Variants in GRM1 observed in about 807,000 individuals in gnomAD.
GRM1 encodes the protein metabotropic glutamate receptor 1.
Under a neutral mutation model 90.9 loss-of-function variants are expected in GRM1, and 33 were observed. That is an observed-to-expected ratio of 0.36 (90% confidence interval 0.28 to 0.49). GRM1 has a LOEUF of 0.49. GRM1 is among the 20% of genes least tolerant of loss of function. The pLI is 0.99. For synonymous variants in GRM1, 700 were observed against 613.2 expected (o/e 1.14, Z -2.09); for missense variants, 1,190 against 1,534.3 (o/e 0.78, Z 3.75).
chr6:146,029,422 G>A lies in GRM1; in HGVS notation c.-96G>A. On this transcript the variant is annotated 5_prime_UTR_variant, in exon 1 of 8. Coordinates refer to ENST00000282753, the MANE Select transcript of GRM1 (RefSeq NM_001278064.2). ...TGGCGAGGGGCACCACTCCGGGAGA[G>A]GCGGCGCTGGGCGTCTTGGGGGTGC... is the stretch of plus-strand genomic sequence containing the variant. The A allele has an allele frequency of 1.0e-6, 1 of 953,410 alleles. No homozygotes were observed. 59.1% of individuals were successfully genotyped at this position (953,410 alleles called of 1,614,324 possible).
chr6:146,319,438 C>T (rs1784091577), intron 3 of GRM1, among the ~76,000 whole-genome samples: 1 of 152,080 alleles, frequency 6.6e-6, no homozygotes, highest in South Asian at 2.1e-4. Flanking sequence ...TTAGGATTGT[C>T]TTGGCTATAT....
At chr6:146,285,787 C>T (rs1046180381) in intron 2 of GRM1, among the ~76,000 whole-genome samples, 2 of 152,116 alleles carry the variant, frequency 1.3e-5, no homozygotes, top group Non-Finnish European at 2.9e-5. Context: ...TTAGGTTTCT[C>T]CTGCTGTTTA....
rs529682345 is a variant in GRM1, at chr6:146,071,878, AT to A, written c.700+41662del. Among the ~76,000 whole-genome samples the A allele has an allele frequency of 8.3e-3, 1,262 of 152,274 alleles. 11 individuals are homozygous for A. The highest frequency in any genetic ancestry group is 0.013 in the Non-Finnish European group (883 of 68,012). On this transcript the variant is annotated intron_variant, in intron 1 of 7. Coordinates refer to ENST00000282753, the MANE Select transcript of GRM1 (RefSeq NM_001278064.2). ...AATGGAGGCTGCTACTGAAGTTAGT[AT>A]GACCTTGGCTGAGGCAACTTTTTCA...
At chr6:146,148,814 TTGTGTGTG>T (rs1281864244) in intron 1 of GRM1, among the ~76,000 whole-genome samples, 1 of 151,750 alleles carries the variant, frequency 6.6e-6, no homozygotes, top group Non-Finnish European at 1.5e-5. Flanking sequence ...GAGCGTGTGT[TTGTGTGTG>T]TGTGTAATTT....
rs547683231 is a variant in GRM1, at chr6:146,244,405, G to A, written c.951-60206G>A. Among the ~76,000 whole-genome samples, 44 of 152,332 alleles carry A rather than the reference G, an allele frequency of 2.9e-4. No individual in the cohort carries two copies. The South Asian group carries it at 8.9e-3, about 31-fold the overall frequency. Reference sequence around the variant, plus strand: ...TGTTCTTCTGCCATGGCTTCAGCCAGTCCCTCCATTTGGGGTCCCTGACTT... The same window carrying A: ...TGTTCTTCTGCCATGGCTTCAGCCAATCCCTCCATTTGGGGTCCCTGACTT... On this transcript the variant is annotated intron_variant, in intron 2 of 7. Transcript: ENST00000282753.
chr6:146,339,988 G>A (rs777116879), intron 3 of GRM1, among the ~76,000 whole-genome samples: 13 of 152,166 alleles, frequency 8.5e-5, no homozygotes, highest in South Asian at 2.1e-4. Flanking sequence ...ATCCACCAAG[G>A]AATTTTGTAT....
intron 2 of GRM1, among the ~76,000 whole-genome samples, chr6:146,278,051 TC>T (rs1439975470): frequency 6.6e-6 from 1 of 152,130 alleles, no homozygotes; most frequent in Non-Finnish European, 1.5e-5. Flanking sequence ...TTTCAGTGAT[TC>T]CAGATCATTT....
intron 1 of GRM1, among the ~76,000 whole-genome samples, chr6:146,061,428 T>A (rs763601816): frequency 9.9e-5 from 15 of 152,044 alleles, no homozygotes; most frequent in Admixed American, 6.6e-4. Flanking sequence ...TTTGAATGCC[T>A]GTACTGAAAT....
intron 2 of GRM1, among the ~76,000 whole-genome samples, chr6:146,243,484 A>G (rs1325856863): frequency 6.6e-6 from 1 of 152,086 alleles, no homozygotes; most frequent in East Asian, 1.9e-4. Context: ...AATGACGAGA[A>G]TGGGGGCTTC....
At chr6:146,290,543 A>G (rs1214105068) in intron 2 of GRM1, among the ~76,000 whole-genome samples, 2 of 152,172 alleles carry the variant, frequency 1.3e-5, no homozygotes. Flanking sequence ...CTGTAACCAT[A>G]GGGAATTATT....
chr6:146,275,831 C>A (rs1313574489), intron 2 of GRM1, among the ~76,000 whole-genome samples: 2 of 152,140 alleles, frequency 1.3e-5, no homozygotes, highest in Non-Finnish European at 2.9e-5. Flanking sequence ...TTAATTTTAT[C>A]ATTCCATATA....
At chr6:146,283,098 A>G (rs1051927081) in intron 2 of GRM1, among the ~76,000 whole-genome samples, 4 of 152,208 alleles carry the variant, frequency 2.6e-5, no homozygotes, top group Admixed American at 6.5e-5. Flanking sequence ...GCCCCAGGCC[A>G]TGTCCACAAG....
intron 1 of GRM1, among the ~76,000 whole-genome samples, chr6:146,129,473 T>C (rs1776312390): frequency 6.6e-6 from 1 of 152,160 alleles, no homozygotes; most frequent in Non-Finnish European, 1.5e-5. Flanking sequence ...TGAAGCCTTC[T>C]ATAAAGAGTT....
intron 2 of GRM1, among the ~76,000 whole-genome samples, chr6:146,243,570 C>T (rs912605912): frequency 1.1e-4 from 16 of 151,836 alleles, no homozygotes; most frequent in African/African-American, 2.2e-4. Context: ...AGGGAGTGTA[C>T]GAATAGGGTG....
In GRM1 at chr6:146,339,363, C is replaced by G. The variant is rs192283877; in HGVS notation, c.1187-12887C>G. On this transcript the variant is annotated intron_variant, in intron 3 of 7. Transcript: ENST00000282753. The stretch of plus-strand genomic sequence containing the variant: ...TTGAAGAACATCTCATAGTTTCAGA[C>G]TAAAATAATAATCTGAACTTTTCCC... Among the ~76,000 whole-genome samples, 297 of 152,260 alleles carry G rather than the reference C, an allele frequency of 2.0e-3. 2 individuals carry two copies. Among genetic ancestry groups the G allele is most frequent in the African/African-American group, 6.6e-3 (275 of 41,556 alleles).
At chr6:146,376,314 CCA>C (rs1242139905) in intron 5 of GRM1, among the ~76,000 whole-genome samples, 1 of 152,036 alleles carries the variant, frequency 6.6e-6, no homozygotes, top group African/African-American at 2.4e-5. Flanking sequence ...AGTTTACATA[CCA>C]CAGTTATAGT....
chr6:146,029,463 A>C lies in GRM1; in HGVS notation c.-55A>C. 7.1e-7 allele frequency: 1 copy of C among 1,404,162 alleles called. No homozygotes were observed. 87.0% of individuals were successfully genotyped at this position (1,404,162 alleles called of 1,614,324 possible). On this transcript the variant is annotated 5_prime_UTR_variant, in exon 1 of 8. Transcript: ENST00000282753. Reference sequence around the variant, plus strand: ...TTGGGGGTGCGCGCCGGGAGCCTGCAGCGGGACCAGCGTGGGAACGCGGCT... The same window carrying C: ...TTGGGGGTGCGCGCCGGGAGCCTGCCGCGGGACCAGCGTGGGAACGCGGCT...
At chr6:146,050,822 T>C (rs1226051671) in intron 1 of GRM1, among the ~76,000 whole-genome samples, 2 of 152,030 alleles carry the variant, frequency 1.3e-5, no homozygotes, top group African/African-American at 4.8e-5. Flanking sequence ...TCATTTGCTT[T>C]TGTGGAAGGA....
chr6:146,387,079 C>T, intron 6 of GRM1, 63 bp downstream of exon 6: 8 of 1,485,630 alleles, frequency 5.4e-6, no homozygotes, highest in Admixed American at 1.7e-5. Flanking sequence ...GTGTCCATCC[C>T]TCAAATGAGA....
Sources: gnomAD v4.1 joint callset for allele counts (sites outside exome capture counted in the v4.1 genomes callset) on GRCh38, gnomAD v4.1.1 for gene constraint, MANE v1.5 for transcripts, NCBI Gene and HGNC (gene_info 2026-07-23, HGNC 2026-07-21) for gene names.